Variants in ACADL observed in about 807,000 individuals in gnomAD.
The protein encoded by ACADL is long-chain specific acyl-CoA dehydrogenase, mitochondrial.
ACADL carries 60 observed loss-of-function variants against 56.9 expected under a neutral mutation model. That is an observed-to-expected ratio of 1.05 (90% confidence interval 0.86 to 1.31). ACADL has a LOEUF of 1.31. ACADL is among the 50% of genes most tolerant of loss of function. The pLI is 0.00. For missense variants in ACADL, 484 were observed against 525.5 expected (o/e 0.92, Z 0.77); for synonymous variants, 158 against 179.7 (o/e 0.88, Z 0.97).
intron 10 of ACADL, among the ~76,000 whole-genome samples, chr2:210,192,552 G>T (rs1025538739): frequency 6.6e-6 from 1 of 151,752 alleles, no homozygotes; most frequent in Non-Finnish European, 1.5e-5. Context: ...TTCTACATAA[G>T]GATTCAAATA....
chr2:210,225,164 C>G (rs1364914166), intron 1 of ACADL, 23 bp downstream of exon 1: 2 of 1,528,794 alleles, frequency 1.3e-6, no homozygotes, highest in Non-Finnish European at 1.7e-6. Context: ...CCTGCAGCCG[C>G]GGAAGTCCCG....
intron 1 of ACADL, 129 bp downstream of exon 1, chr2:210,225,058 G>A (rs1689246627): frequency 6.0e-6 from 9 of 1,496,178 alleles, no homozygotes; most frequent in African/African-American, 5.8e-5. Flanking sequence ...CTCTAGCCCG[G>A]CGCCGGAGTT....
intron 2 of ACADL, chr2:210,218,348 A>G (rs974011060): frequency 4.8e-6 from 2 of 420,466 alleles, no homozygotes; most frequent in Non-Finnish European, 8.3e-6. Context: ...TGGCACAATC[A>G]TGGATCACTG....
At chr2:210,195,087 T>G in intron 9 of ACADL, 124 bp downstream of exon 9, 1 of 1,243,376 alleles carries the variant, frequency 8.0e-7, no homozygotes, top group Non-Finnish European at 1.1e-6. Flanking sequence ...TAAAGTGGAG[T>G]CTCACTTTTA....
At chr2:210,204,911 C>T (rs1440405053) in intron 6 of ACADL, among the ~76,000 whole-genome samples, 1 of 152,186 alleles carries the variant, frequency 6.6e-6, no homozygotes, top group Non-Finnish European at 1.5e-5. Context: ...ATCATTCCAG[C>T]TCTAATACTG....
chr2:210,217,554 G>C (rs186373594), intron 3 of ACADL: 1 of 159,442 alleles, frequency 6.3e-6, no homozygotes, highest in Admixed American at 6.3e-5. Flanking sequence ...TTTCTTTTTT[G>C]ATGAATTATT....
rs202061680 is a variant in ACADL at position 210,217,988 on chromosome 2, G to C, written c.348C>G (p.Ser116=). The C allele has an allele frequency of 1.2e-6, 2 of 1,613,762 alleles. No individual in the cohort carries two copies. Among genetic ancestry groups the C allele is most frequent in the Non-Finnish European group, 1.7e-6 (2 of 1,179,994 alleles). The change falls in exon 3 of 11, where the codon TCC becomes TCG. Residue 116 remains serine, a synonymous_variant. Transcript: ENST00000233710. ...ACTGCTCCTCCCAGACAATAGCTGC[G>C]GAGTACAGATCCCCTCCAATTCCAC... ...HLGGIGGDLY[S]AAIVWEEQAY... is the part of the protein sequence containing the mutation.
chr2:210,189,771 G>T (rs2125707333), intron 10 of ACADL, among the ~76,000 whole-genome samples: 1 of 152,146 alleles, frequency 6.6e-6, no homozygotes, highest in Non-Finnish European at 1.5e-5. Context: ...TCTCAGCTCT[G>T]GGATTGGGGA....
intron 8 of ACADL, among the ~76,000 whole-genome samples, chr2:210,196,736 A>G (rs1227139138): frequency 2.0e-5 from 3 of 152,206 alleles, no homozygotes; most frequent in African/African-American, 7.2e-5. Context: ...CTTTGTGAAA[A>G]TTCAGATAGA....
At chr2:210,224,505 C>G (rs1689233756) in intron 1 of ACADL, 1 of 985,108 alleles carries the variant, frequency 1.0e-6, no homozygotes, top group Non-Finnish European at 1.2e-6. Flanking sequence ...ATGCATCAGA[C>G]AGTATCTGAA....
At chr2:210,203,702 G>A (rs1481833945) in intron 7 of ACADL, among the ~76,000 whole-genome samples, 2 of 151,914 alleles carry the variant, frequency 1.3e-5, no homozygotes, top group African/African-American at 2.4e-5. Flanking sequence ...AAGAGACAAA[G>A]TCTCACTCTG....
intron 10 of ACADL, 62 bp downstream of exon 10, chr2:210,192,742 G>A: frequency 7.8e-7 from 1 of 1,279,422 alleles, no homozygotes. Context: ...GATGTACAAA[G>A]TAAAGAAATT....
intron 8 of ACADL, among the ~76,000 whole-genome samples, chr2:210,202,910 C>T (rs1297022234): frequency 1.3e-5 from 2 of 152,124 alleles, no homozygotes; most frequent in African/African-American, 2.4e-5. Context: ...TAAATAATCT[C>T]CATATCATTG....
At chr2:210,196,777 G>T (rs1254423589) in intron 8 of ACADL, among the ~76,000 whole-genome samples, 1 of 152,184 alleles carries the variant, frequency 6.6e-6, no homozygotes, top group Admixed American at 6.6e-5. Flanking sequence ...TGTGAAATGA[G>T]TAAGAACTTC....
At chr2:210,204,992 G>T (rs1202082180) in intron 6 of ACADL, among the ~76,000 whole-genome samples, 4 of 152,054 alleles carry the variant, frequency 2.6e-5, no homozygotes, top group Non-Finnish European at 5.9e-5. Context: ...TTTTGGTAAT[G>T]TATAGAAAGA....
intron 2 of ACADL, chr2:210,218,365 C>G (rs1350690617): frequency 2.6e-6 from 1 of 390,550 alleles, no homozygotes; most frequent in Non-Finnish European, 4.6e-6. Flanking sequence ...ACTGCAGCCT[C>G]AAAATCCTGG....
chr2:210,216,284 A>C (rs1444753845), intron 4 of ACADL, 63 bp downstream of exon 4: 1 of 1,571,026 alleles, frequency 6.4e-7, no homozygotes, highest in Admixed American at 1.7e-5. Flanking sequence ...GTATTAACCA[A>C]GTACTAAGAA....
At chr2:210,214,274 T>C (rs1689036948) in intron 4 of ACADL, among the ~76,000 whole-genome samples, 1 of 152,080 alleles carries the variant, frequency 6.6e-6, no homozygotes, top group Non-Finnish European at 1.5e-5. Context: ...TCTTCTTTTC[T>C]TCCCACGTGT....
chr2:210,224,994 C>T, intron 1 of ACADL, 193 bp downstream of exon 1: 1 of 1,405,358 alleles, frequency 7.1e-7, no homozygotes, highest in Non-Finnish European at 9.2e-7. Context: ...CCCCTTTTTC[C>T]TCCGCCCAGA....
Sources: allele counts gnomAD v4.1 joint callset (sites outside exome capture counted in the v4.1 genomes callset), GRCh38; gene constraint gnomAD v4.1.1; transcripts MANE v1.5; gene names NCBI Gene and HGNC (gene_info 2026-07-23, HGNC 2026-07-21).